The following FAM78B variants were observed in gnomAD, a reference collection of about 807,000 sequenced individuals.
The protein encoded by FAM78B is family with sequence similarity 78 member B, also known as protein FAM78B.
Under a neutral mutation model 20.0 loss-of-function variants are expected in FAM78B, and 10 were observed. The ratio of observed to expected loss-of-function variants is 0.50; its 90% CI spans 0.31 to 0.85. The LOEUF (loss-of-function observed/expected upper bound fraction) is 0.85, where lower values mean the gene tolerates loss of function less well. Ranked by LOEUF, FAM78B falls within the 40% of genes least tolerant of loss-of-function variation. FAM78B has a pLI of 0.05. For synonymous variants in FAM78B, 135 were observed against 132.8 expected (o/e 1.02, Z -0.12); for missense variants, 283 against 345.0 (o/e 0.82, Z 1.42).
chr1:166,137,905 C>T (rs768408814), intron 1 of FAM78B, among the ~76,000 whole-genome samples: 14 of 152,216 alleles, frequency 9.2e-5, no homozygotes, highest in Admixed American at 1.3e-4. Flanking sequence ...CCAAGGTTAA[C>T]AGCAGAAACA....
chr1:166,063,001 C>T (rs1557884946), intron 2 of FAM78B, among the ~76,000 whole-genome samples: 1 of 152,186 alleles, frequency 6.6e-6, no homozygotes, highest in Non-Finnish European at 1.5e-5. Flanking sequence ...GCTCAAAGTG[C>T]TCGAGAGAAG....
intron 1 of FAM78B, among the ~76,000 whole-genome samples, chr1:166,146,852 T>G (rs912682287): frequency 6.6e-6 from 1 of 152,324 alleles, no homozygotes; most frequent in Middle Eastern, 3.4e-3. Flanking sequence ...AGCTTCCTCT[T>G]TGCAAGCTTC....
intron 1 of FAM78B, among the ~76,000 whole-genome samples, chr1:166,129,534 T>G (rs1043911731): frequency 6.6e-6 from 1 of 152,232 alleles, no homozygotes; most frequent in East Asian, 1.9e-4. Context: ...TGGATGTGGA[T>G]GAATTTAGGA....
At chr1:166,075,303 G>A (rs1652221963) in intron 1 of FAM78B, among the ~76,000 whole-genome samples, 1 of 152,144 alleles carries the variant, frequency 6.6e-6, no homozygotes, top group Non-Finnish European at 1.5e-5. Context: ...TGGACAGGAG[G>A]TGTCACATAT....
chr1:166,134,126 T>A (rs1392336754), intron 1 of FAM78B, among the ~76,000 whole-genome samples: 6 of 152,196 alleles, frequency 3.9e-5, no homozygotes, highest in African/African-American at 9.7e-5. Flanking sequence ...CCCTACAACA[T>A]TCAGTTTCTC....
chr1:166,098,334 G>GC, intron 1 of FAM78B, among the ~76,000 whole-genome samples: 1 of 152,144 alleles, frequency 6.6e-6, no homozygotes, highest in East Asian at 1.9e-4. Flanking sequence ...CAACAGCCCT[G>GC]CCCCGCCGCC....
intron 1 of FAM78B, among the ~76,000 whole-genome samples, chr1:166,135,154 C>A (rs1655022955): frequency 1.3e-5 from 2 of 152,198 alleles, no homozygotes; most frequent in African/African-American, 4.8e-5. Flanking sequence ...TGACTTCCAG[C>A]TAGAACTACT....
intron 1 of FAM78B, among the ~76,000 whole-genome samples, chr1:166,161,612 A>T (rs1656150089): frequency 6.6e-6 from 1 of 152,202 alleles, no homozygotes; most frequent in African/African-American, 2.4e-5. Context: ...ACATGTCCTG[A>T]GATGGTAGCA....
At chr1:166,107,313 G>A (rs1173697274) in intron 1 of FAM78B, among the ~76,000 whole-genome samples, 1 of 152,076 alleles carries the variant, frequency 6.6e-6, no homozygotes, top group Non-Finnish European at 1.5e-5. Flanking sequence ...AAACAAAACA[G>A]GAGATATTAC....
At chr1:166,086,444 T>TTC in intron 1 of FAM78B, among the ~76,000 whole-genome samples, 1 of 152,228 alleles carries the variant, frequency 6.6e-6, no homozygotes, top group East Asian at 1.9e-4. Flanking sequence ...TGGAAGGGGC[T>TTC]TCCCAGTTTC....
chr1:166,144,240 T>C lies in FAM78B; in HGVS notation c.263+21746A>G, dbSNP rs200323738. ...GTGTGTTAGCGTTTTCACAGATCCC[T>C]GCTCAGGCATTTGGACTGGGGAGAG... On this transcript the variant is annotated intron_variant, in intron 1 of 1. Transcript: ENST00000354422. Among the ~76,000 whole-genome samples, 25 of 152,214 alleles carry C rather than the reference T, an allele frequency of 1.6e-4. 1 individual carries two copies. In the East Asian group the frequency reaches 4.6e-3, roughly 28 times the overall value.
intron 1 of FAM78B, among the ~76,000 whole-genome samples, chr1:166,101,666 A>T (rs1222837476): frequency 6.6e-6 from 1 of 152,204 alleles, no homozygotes; most frequent in Non-Finnish European, 1.5e-5. Flanking sequence ...AGAAAAAAGA[A>T]TAAAAAGAAA....
At chr1:166,119,568 T>C (rs1023734881) in intron 1 of FAM78B, among the ~76,000 whole-genome samples, 8 of 152,168 alleles carry the variant, frequency 5.3e-5, no homozygotes, top group Non-Finnish European at 2.9e-5. Flanking sequence ...AGAGTATCAG[T>C]TGAAAGCCGA....
rs1557890628 is a variant in FAM78B, at chr1:166,077,703, A to ATATATTTATATATAAATTATATAT, written c.264-6941_264-6940insATATATAATTTATATATAAATATA. Reference sequence around the variant, plus strand: ...TATTTATATATAAATTATATATAATAAATACATATAATTACATATATTTAT... The same window carrying ATATATTTATATATAAATTATATAT: ...TATTTATATATAAATTATATATAATATATATTTATATATAAATTATATATAATACATATAATTACATATATTTAT... On this transcript the variant is annotated intron_variant, in intron 1 of 1. Coordinates refer to ENST00000354422, the MANE Select transcript of FAM78B (RefSeq NM_001017961.5). 2.0e-4 allele frequency among the ~76,000 whole-genome samples: 24 copies of ATATATTTATATATAAATTATATAT among 122,378 alleles called. No individual in the cohort carries two copies. In the East Asian group the frequency reaches 5.5e-3, roughly 28 times the overall value. 80.3% of individuals were successfully genotyped at this position (122,378 alleles called of 152,430 possible).
At chr1:166,067,720 G>A (rs1651853571), downstream of FAM78B, among the ~76,000 whole-genome samples, 1 of 152,212 alleles carries the variant, frequency 6.6e-6, no homozygotes, top group Non-Finnish European at 1.5e-5. Context: ...CATTCTGCCA[G>A]GCTGACTTCA....
intron 1 of FAM78B, among the ~76,000 whole-genome samples, chr1:166,111,477 C>T (rs1654057040): frequency 6.6e-6 from 1 of 152,244 alleles, no homozygotes; most frequent in African/African-American, 2.4e-5. Context: ...CAGCTGTCTA[C>T]AGCAGTAACA....
chr1:166,109,825 T>C (rs1289275882), intron 1 of FAM78B, among the ~76,000 whole-genome samples: 1 of 17,010 alleles, frequency 5.9e-5, no homozygotes, highest in Non-Finnish European at 1.1e-4. Flanking sequence ...TATATATATA[T>C]ATATATGTAT....
chr1:166,154,194 A>C (rs1476479712), intron 1 of FAM78B, among the ~76,000 whole-genome samples: 1 of 152,074 alleles, frequency 6.6e-6, no homozygotes, highest in Non-Finnish European at 1.5e-5. Flanking sequence ...TTTCTTCTAG[A>C]GCTGCCAGGG....
chr1:166,096,348 T>C (rs1557898274), intron 1 of FAM78B, among the ~76,000 whole-genome samples: 6 of 152,220 alleles, frequency 3.9e-5, no homozygotes, highest in Admixed American at 2.0e-4. Flanking sequence ...CACAGTGAGC[T>C]TGGGCTGCTT....
Sources: allele counts gnomAD v4.1 joint callset (sites outside exome capture counted in the v4.1 genomes callset), GRCh38; gene constraint gnomAD v4.1.1; transcripts MANE v1.5; gene names NCBI Gene and HGNC (gene_info 2026-07-23, HGNC 2026-07-21).